AADACL4: variants seen among roughly 807,000 people sequenced by gnomAD.
The protein encoded by AADACL4 is arylacetamide deacetylase like 4.
A neutral mutation model predicts 14.1 loss-of-function variants in AADACL4; 9 were observed. The observed-to-expected ratio is 0.64, with a 90% CI of 0.39 to 1.12. The LOEUF is 1.12. Ranked by LOEUF, AADACL4 falls within the 50% of genes most tolerant of loss-of-function variation. The pLI is 0.01. For missense variants in AADACL4, 531 were observed against 516.1 expected (o/e 1.03, Z -0.28); for synonymous variants, 188 against 201.6 (o/e 0.93, Z 0.57).
Position 12,647,862 on chromosome 1 carries a change from T to A in AADACL4, c.168+3148T>A, listed in dbSNP as rs1053296567. On this transcript the variant is annotated intron_variant, in intron 1 of 3. Transcript: ENST00000376221. ...TTGTAGAGACCAGGTTTTGCCATGT[T>A]GCCTAGGCTGGTCTTGAACTCCTGG... Among the ~76,000 whole-genome samples, 3 of 152,146 alleles carry A rather than the reference T, an allele frequency of 2.0e-5. No individual in the cohort carries two copies. The South Asian group carries it at 6.2e-4, about 32-fold the overall frequency.
intron 2 of AADACL4, among the ~76,000 whole-genome samples, chr1:12,654,452 T>C (rs1647168865): frequency 6.6e-6 from 1 of 152,226 alleles, no homozygotes; most frequent in Admixed American, 6.5e-5. Flanking sequence ...CTTGGTTCCA[T>C]ACTTGTGGGT....
intron 3 of AADACL4, among the ~76,000 whole-genome samples, chr1:12,663,044 T>G (rs1647253867): frequency 6.6e-6 from 1 of 152,082 alleles, no homozygotes; most frequent in Non-Finnish European, 1.5e-5. Context: ...TTTGATAGAG[T>G]GGCTCATGGA....
chr1:12,662,671 C>G (rs1227906154), intron 3 of AADACL4, among the ~76,000 whole-genome samples: 1 of 152,176 alleles, frequency 6.6e-6, no homozygotes, highest in African/African-American at 2.4e-5. Flanking sequence ...AAATTAAAAT[C>G]TGCCTTTTTA....
At chr1:12,663,805 AC>A (rs1016706788) in intron 3 of AADACL4, among the ~76,000 whole-genome samples, 2 of 152,064 alleles carry the variant, frequency 1.3e-5, no homozygotes, top group African/African-American at 4.8e-5. Context: ...TGAAGGGGCC[AC>A]CTCCCTGCAA....
At chr1:12,661,106 C>T (rs1248734096) in intron 2 of AADACL4, among the ~76,000 whole-genome samples, 1 of 152,208 alleles carries the variant, frequency 6.6e-6, no homozygotes, top group Non-Finnish European at 1.5e-5. Context: ...ATTAATGAGG[C>T]ATGCACCCAC....
chr1:12,661,623 T>G (rs892997009), intron 2 of AADACL4, among the ~76,000 whole-genome samples, 168 bp from the exon 3 acceptor site: 1 of 151,988 alleles, frequency 6.6e-6, no homozygotes, highest in African/African-American at 2.4e-5. Context: ...GACAGATGTA[T>G]GATTTGGCCT....
intron 2 of AADACL4, among the ~76,000 whole-genome samples, chr1:12,661,084 C>A (rs1253612269): frequency 2.0e-5 from 3 of 152,190 alleles, no homozygotes; most frequent in African/African-American, 7.2e-5. Context: ...ATTGTCATCT[C>A]CCTCAAAGAG....
intron 3 of AADACL4, among the ~76,000 whole-genome samples, chr1:12,664,658 T>G (rs2100771281): frequency 6.6e-6 from 1 of 152,278 alleles, no homozygotes; most frequent in Middle Eastern, 3.4e-3. Flanking sequence ...CCGCCCGGCC[T>G]TGATGTTTTC....
intron 2 of AADACL4, among the ~76,000 whole-genome samples, chr1:12,652,052 T>G (rs2100760603): frequency 6.6e-6 from 1 of 151,852 alleles, no homozygotes; most frequent in East Asian, 1.9e-4. Flanking sequence ...CTTGATCTCC[T>G]GACCTCATGA....
intron 2 of AADACL4, among the ~76,000 whole-genome samples, chr1:12,659,867 G>A (rs138699863): frequency 2.2e-4 from 34 of 152,236 alleles, no homozygotes; most frequent in African/African-American, 6.7e-4. Context: ...TGTCCAGGCT[G>A]GGGTGTAGTG....
At chr1:12,657,981 G>A (rs1448087846) in intron 2 of AADACL4, among the ~76,000 whole-genome samples, 3 of 151,848 alleles carry the variant, frequency 2.0e-5, no homozygotes, top group African/African-American at 7.3e-5. Flanking sequence ...GAATTGTCTT[G>A]TCTTGCCTTC....
rs186610426 is a variant in AADACL4 at position 12,646,394 on chromosome 1, C to G, written c.168+1680C>G. ...CATCTCTGTGCTGCTGGAAGTGTTCCCCATGGGTTACAAAAACATTTTCTA... is the reference window on the plus strand; with the variant it reads ...CATCTCTGTGCTGCTGGAAGTGTTCGCCATGGGTTACAAAAACATTTTCTA... On this transcript the variant is annotated intron_variant, in intron 1 of 3. Coordinates refer to ENST00000376221, the MANE Select transcript of AADACL4 (RefSeq NM_001013630.2). 3.0e-3 allele frequency among the ~76,000 whole-genome samples: 464 copies of G among 152,214 alleles called. 3 individuals are homozygous for G. Among genetic ancestry groups the G allele is most frequent in the Admixed American group, 6.7e-3 (102 of 15,286 alleles).
chr1:12,652,863 T>C (rs1391772051), intron 2 of AADACL4, among the ~76,000 whole-genome samples: 2 of 152,236 alleles, frequency 1.3e-5, no homozygotes, highest in Non-Finnish European at 2.9e-5. Flanking sequence ...CAGTCGGTCT[T>C]AGCCAGCTTG....
At chr1:12,664,896 TCTTTGAGGGGACATA>T (rs1018196227) in intron 3 of AADACL4, among the ~76,000 whole-genome samples, 2 of 152,230 alleles carry the variant, frequency 1.3e-5, no homozygotes, top group Non-Finnish European at 2.9e-5. Flanking sequence ...CCCTTGAATT[TCTTTGAGGGGACATA>T]CTTCGGAAGC....
chr1:12,663,379 G>A (rs1483453860), intron 3 of AADACL4, among the ~76,000 whole-genome samples: 1 of 152,162 alleles, frequency 6.6e-6, no homozygotes, highest in African/African-American at 2.4e-5. Context: ...TTTCCAGGCT[G>A]TAGACTGCCA....
chr1:12,653,023 A>G (rs1275024059), intron 2 of AADACL4, among the ~76,000 whole-genome samples: 1 of 151,914 alleles, frequency 6.6e-6, no homozygotes, highest in Admixed American at 6.6e-5. Context: ...TCCCTCAGAG[A>G]TTTCCATCTC....
chr1:12,666,159 G>A lies in AADACL4; in HGVS notation c.648G>A (p.Arg216=). Residue 216 remains arginine (R), a synonymous_variant, in exon 4 of 4, where the codon CGG becomes CGA. Coordinates refer to ENST00000376221, the MANE Select transcript of AADACL4 (RefSeq NM_001013630.2). ...LVGRSDLPRI[R]AQVLIYPVVQ... ...GCAGATCAGATCTTCCCCGGATCCGGGCTCAGGTTCTGATTTATCCAGTTG... is the reference window on the plus strand; with the variant it reads ...GCAGATCAGATCTTCCCCGGATCCGAGCTCAGGTTCTGATTTATCCAGTTG... 3.1e-6 allele frequency: 5 copies of A among 1,614,232 alleles called. 1 individual carries two copies. Among genetic ancestry groups the A allele is most frequent in the South Asian group, 2.2e-5 (2 of 91,084 alleles).
intron 1 of AADACL4, among the ~76,000 whole-genome samples, chr1:12,647,768 A>T (rs901238906): frequency 6.6e-6 from 1 of 151,220 alleles, no homozygotes; most frequent in Admixed American, 6.6e-5. Flanking sequence ...TGATCCTCCC[A>T]CTTCAGCGTC....
At chr1:12,644,750 GCTT>G (rs1352354352) in intron 1 of AADACL4, 36 bp downstream of exon 1, 12 of 1,602,846 alleles carry the variant, frequency 7.5e-6, no homozygotes, top group Middle Eastern at 1.7e-4. Context: ...TAACCTGGGG[GCTT>G]CTTCTCTTGT....
Sources: gnomAD v4.1 joint callset for allele counts (sites outside exome capture counted in the v4.1 genomes callset) on GRCh38, gnomAD v4.1.1 for gene constraint, MANE v1.5 for transcripts, NCBI Gene and HGNC (gene_info 2026-07-23, HGNC 2026-07-21) for gene names.